PPP2CA: variants seen among roughly 807,000 people sequenced by gnomAD.
The protein encoded by PPP2CA is protein phosphatase 2 catalytic subunit alpha.
Under a neutral mutation model 38.8 loss-of-function variants are expected in PPP2CA, and 5 were observed. The ratio of observed to expected loss-of-function variants is 0.13; its 90% confidence interval spans 0.07 to 0.27. The LOEUF is 0.27. Ranked by LOEUF, PPP2CA falls within the 10% of genes least tolerant of loss-of-function variation. The probability of loss-of-function intolerance (pLI) is 1.00; values close to 1 mark genes in which losing one functional copy is unlikely to be tolerated. For missense variants in PPP2CA, 88 were observed against 389.7 expected (o/e 0.23, Z 6.52); for synonymous variants, 152 against 134.0 (o/e 1.13, Z -0.93).
intron 2 of PPP2CA, 94 bp from the exon 3 acceptor site, chr5:134,202,115 T>C: frequency 7.6e-7 from 1 of 1,320,090 alleles, no homozygotes; most frequent in Non-Finnish European, 1.0e-6. Context: ...GCAGTTACAA[T>C]TTTGTTGAAA....
intron 1 of PPP2CA, among the ~76,000 whole-genome samples, chr5:134,217,628 G>C (rs1762349348): frequency 6.6e-6 from 1 of 152,278 alleles, no homozygotes; most frequent in Admixed American, 6.5e-5. Context: ...AAAAATCCAA[G>C]GTTTGTGATA....
intron 1 of PPP2CA, chr5:134,224,293 C>G: frequency 2.2e-6 from 1 of 455,844 alleles, no homozygotes; most frequent in Non-Finnish European, 4.4e-6. Flanking sequence ...ACAGGAGATT[C>G]AATACATCGC....
At chr5:134,222,421 G>GT (rs982870161) in intron 1 of PPP2CA, among the ~76,000 whole-genome samples, 2 of 152,012 alleles carry the variant, frequency 1.3e-5, no homozygotes, top group African/African-American at 4.8e-5. Context: ...GAAGCAGTTT[G>GT]TTTTTTCCAT....
At chr5:134,213,373 G>T (rs1229719002) in intron 1 of PPP2CA, among the ~76,000 whole-genome samples, 4 of 151,236 alleles carry the variant, frequency 2.6e-5, no homozygotes, top group Admixed American at 2.6e-4. Flanking sequence ...TTACAGCACG[G>T]TATACTGAAT....
At position 134,225,885 on chromosome 5, in the gene PPP2CA, G is replaced by A; in HGVS notation, c.-24C>T. On this transcript the variant is annotated 5_prime_UTR_variant, in exon 1 of 7. Transcript: ENST00000481195. ...ATGATGCCACCCGCCCCAGCCGGCT[G>A]CCGCTCCGCGCTGCTCCCGCGCCGC... 1 of 1,598,982 alleles carries A rather than the reference G, an allele frequency of 6.3e-7. No individual in the cohort carries two copies.
chr5:134,219,585 A>C (rs1194039813), intron 1 of PPP2CA, among the ~76,000 whole-genome samples: 1 of 152,252 alleles, frequency 6.6e-6, no homozygotes, highest in African/African-American at 2.4e-5. Context: ...GGGACTGGCC[A>C]ACTGGTCACA....
At chr5:134,215,094 T>C (rs1297358909) in intron 1 of PPP2CA, among the ~76,000 whole-genome samples, 2 of 106,812 alleles carry the variant, frequency 1.9e-5, no homozygotes, top group Admixed American at 2.3e-4. Context: ...TAATATTTAT[T>C]TACTTTTTTT....
In PPP2CA at chr5:134,197,756, C is replaced by T. The variant is rs1761885509; in HGVS notation, c.*16G>A. The T allele has an allele frequency of 1.9e-6, 3 of 1,603,790 alleles. No individual in the cohort carries two copies. Among genetic ancestry groups the T allele is most frequent in the Non-Finnish European group, 2.6e-6 (3 of 1,170,768 alleles). The stretch of plus-strand genomic sequence containing the variant: ...ATATATGGTTCATGGCAATACTGTA[C>T]AAGTTTAAAATTTCATTACAGGAAG... On this transcript the variant is annotated 3_prime_UTR_variant, in exon 7 of 7. Transcript: ENST00000481195.
intron 2 of PPP2CA, among the ~76,000 whole-genome samples, chr5:134,204,661 T>C (rs892099439): frequency 1.3e-5 from 2 of 152,040 alleles, no homozygotes; most frequent in South Asian, 2.1e-4. Flanking sequence ...GGGGTTTATG[T>C]TGACTACGCT....
chr5:134,225,665 C>G (rs1381037902), intron 1 of PPP2CA, 95 bp downstream of exon 1: 2 of 1,138,688 alleles, frequency 1.8e-6, no homozygotes, highest in Non-Finnish European at 2.4e-6. Flanking sequence ...GGGCCCGGAC[C>G]GGCGGCCTCC....
intron 1 of PPP2CA, among the ~76,000 whole-genome samples, chr5:134,218,584 C>A (rs1376039263): frequency 6.6e-6 from 1 of 152,042 alleles, no homozygotes; most frequent in African/African-American, 2.4e-5. Flanking sequence ...CACAATAATA[C>A]ATCATGAACA....
At chr5:134,203,221 A>T (rs1248228961) in intron 2 of PPP2CA, among the ~76,000 whole-genome samples, 1 of 152,180 alleles carries the variant, frequency 6.6e-6, no homozygotes, top group East Asian at 1.9e-4. Context: ...GTTATATCTA[A>T]GAATCTTTAA....
At chr5:134,219,542 A>G (rs1003614861) in intron 1 of PPP2CA, among the ~76,000 whole-genome samples, 1 of 152,242 alleles carries the variant, frequency 6.6e-6, no homozygotes, top group African/African-American at 2.4e-5. Context: ...AAATGACTAA[A>G]CTAAGGCAGA....
chr5:134,203,358 C>T (rs776625833), intron 2 of PPP2CA, among the ~76,000 whole-genome samples: 2 of 152,126 alleles, frequency 1.3e-5, no homozygotes, highest in African/African-American at 2.4e-5. Context: ...TCCTTTCCCC[C>T]GGTATTCTTT....
intron 6 of PPP2CA, among the ~76,000 whole-genome samples, chr5:134,198,234 T>A (rs1266919386): frequency 6.7e-6 from 1 of 150,280 alleles, no homozygotes; most frequent in Non-Finnish European, 1.5e-5. Flanking sequence ...ACTAAAAAAA[T>A]ACAAAAAAAT....
At chr5:134,198,930 C>G (rs1025221370) in intron 6 of PPP2CA, among the ~76,000 whole-genome samples, 156 bp downstream of exon 6, 2 of 152,140 alleles carry the variant, frequency 1.3e-5, no homozygotes, top group African/African-American at 4.8e-5. Flanking sequence ...ATACTTGTAA[C>G]CCCAACACTC....
intron 1 of PPP2CA, among the ~76,000 whole-genome samples, chr5:134,216,412 T>C (rs1217347646): frequency 6.6e-6 from 1 of 151,482 alleles, no homozygotes; most frequent in Admixed American, 6.6e-5. Flanking sequence ...TGGTGGTGCA[T>C]GCCTGTAATG....
At chr5:134,216,953 G>A (rs549317788) in intron 1 of PPP2CA, among the ~76,000 whole-genome samples, 4 of 152,238 alleles carry the variant, frequency 2.6e-5, no homozygotes, top group Non-Finnish European at 5.9e-5. Flanking sequence ...TTTGACAAAG[G>A]AATCTCCATT....
At chr5:134,224,146 C>T in intron 1 of PPP2CA, 1 of 350,990 alleles carries the variant, frequency 2.8e-6, no homozygotes, top group Non-Finnish European at 5.5e-6. Flanking sequence ...ATATAATGCA[C>T]TGAATTCCAA....
Sources: gnomAD v4.1 joint callset for allele counts (sites outside exome capture counted in the v4.1 genomes callset) on GRCh38, gnomAD v4.1.1 for gene constraint, MANE v1.5 for transcripts, NCBI Gene and HGNC (gene_info 2026-07-23, HGNC 2026-07-21) for gene names.